SET: variants seen among roughly 807,000 people sequenced by gnomAD.
SET encodes the protein protein SET.
SET carries 4 observed loss-of-function variants against 39.0 expected under a neutral mutation model. That is an observed-to-expected ratio of 0.10 (90% CI 0.05 to 0.23). The LOEUF is 0.23. Among genes scored for constraint, SET ranks in the 10% least tolerant of loss-of-function variants. The pLI is 1.00. For missense variants in SET, 137 were observed against 329.7 expected, an observed-to-expected ratio of 0.42 and a Z score of 4.53; for synonymous variants, 114 against 115.9, an observed-to-expected ratio of 0.98 and a Z score of 0.11.
chr9:128,688,048 T>C (rs113331608), upstream of SET, among the ~76,000 whole-genome samples: 3,179 of 152,088 alleles, frequency 0.021, 120 homozygotes, highest in African/African-American at 0.073. Context: ...CCATCTCTAC[T>C]AAAAATACAA....
chr9:128,691,271 T>G (rs1377865872), intron 2 of SET, 44 bp downstream of exon 2: 1 of 1,194,516 alleles, frequency 8.4e-7, no homozygotes, highest in African/African-American at 1.5e-5. Context: ...TTCTGAGATG[T>G]GTCTAATAGC....
intron 2 of SET, 54 bp downstream of exon 2, chr9:128,691,281 C>T (rs1390771968): frequency 1.6e-5 from 18 of 1,106,036 alleles, no homozygotes; most frequent in Non-Finnish European, 2.3e-5. Flanking sequence ...TGTCTAATAG[C>T]CCGGTAATTA....
Position 128,692,009 on chromosome 9 carries a change from T to G in SET, c.274+9T>G. Reference sequence around the variant, plus strand: ...TGTCAACCATCCACAAGGTATGTTTTGGACAGGGCATTGTTAAAGGATAAA... The same window carrying G: ...TGTCAACCATCCACAAGGTATGTTTGGGACAGGGCATTGTTAAAGGATAAA... On this transcript the variant is annotated intron_variant, in intron 3 of 7. Transcript: ENST00000322030. 1.9e-6 allele frequency: 3 copies of G among 1,613,530 alleles called. No homozygotes were observed. Among genetic ancestry groups the G allele is most frequent in the Non-Finnish European group, 2.5e-6 (3 of 1,179,732 alleles).
At chr9:128,688,421 T>C (rs1269817367), upstream of SET, among the ~76,000 whole-genome samples, 1 of 152,176 alleles carries the variant, frequency 6.6e-6, no homozygotes, top group Non-Finnish European at 1.5e-5. Context: ...GAACACCGCC[T>C]ATCGCTTGGG....
chr9:128,693,816 C>T lies in SET; in HGVS notation c.663+8C>T. On this transcript the variant is annotated splice_region_variant and intron_variant, in intron 6 of 7. Transcript: ENST00000322030. The stretch of plus-strand genomic sequence containing the variant: ...CCATTACAGTACTACTTGGTGAGTT[C>T]TAATACTCATTTATTCAAGGTTGGA... 1.9e-6 allele frequency: 3 copies of T among 1,609,802 alleles called. No homozygotes were observed. The highest frequency in any genetic ancestry group is 2.5e-6 in the Non-Finnish European group (3 of 1,178,828).
chr9:128,686,433 C>T (rs904432646), upstream of SET, among the ~76,000 whole-genome samples: 3 of 152,088 alleles, frequency 2.0e-5, no homozygotes, highest in Non-Finnish European at 4.4e-5. Flanking sequence ...GCAGATAAGG[C>T]ACTTAGGAGA....
intron 2 of SET, 47 bp downstream of exon 2, chr9:128,691,274 C>T (rs557117662): frequency 9.5e-6 from 11 of 1,159,826 alleles, no homozygotes; most frequent in Non-Finnish European, 1.4e-5. Flanking sequence ...TGAGATGTGT[C>T]TAATAGCCCG....
At chr9:128,693,022 C>CT in intron 5 of SET, 41 bp downstream of exon 5, 1 of 1,361,604 alleles carries the variant, frequency 7.3e-7, no homozygotes, top group East Asian at 2.3e-5. Context: ...AGCATTTTGC[C>CT]TATTTCAGTT....
rs1861425919 is a variant in SET, at chr9:128,689,613, AAGG to A, written c.34_36del (p.Glu12del). Reference sequence around the variant, plus strand: ...GGCGCCGGCGGCCAAAGTCAGTAAAAAGGAGCTCAACTCCAACCACGACGGGGC... The same window carrying A: ...GGCGCCGGCGGCCAAAGTCAGTAAAAAGCTCAACTCCAACCACGACGGGGC... On this transcript the variant is annotated inframe_deletion, in exon 1 of 8. Transcript: ENST00000322030. The A allele has an allele frequency of 1.5e-6, 2 of 1,375,186 alleles. No individual in the cohort carries two copies. The highest frequency in any genetic ancestry group is 9.6e-7 in the Non-Finnish European group (1 of 1,044,694). The allele number at this position is 1,375,186 out of a possible 1,614,324, so 85.2% of individuals were successfully genotyped here.
At position 128,694,782 on chromosome 9, in the gene SET, T is replaced by C; in HGVS notation, c.*118T>C. 1.7e-6 allele frequency: 1 copy of C among 575,068 alleles called. No homozygotes were observed. Among genetic ancestry groups the C allele is most frequent in the Non-Finnish European group, 3.0e-6 (1 of 336,762 alleles). The allele number at this position is 575,068 out of a possible 1,614,324, so 35.6% of individuals were successfully genotyped here. On this transcript the variant is annotated 3_prime_UTR_variant, in exon 8 of 8. Coordinates refer to ENST00000322030, the MANE Select transcript of SET (RefSeq NM_003011.4). ...TTCCCTCTTGTGCTCAGTCGCCCTGTTCTTGAGGTCTCTTTTCTCTACTCC... is the reference window on the plus strand; with the variant it reads ...TTCCCTCTTGTGCTCAGTCGCCCTGCTCTTGAGGTCTCTTTTCTCTACTCC...
At chr9:128,686,190 C>A (rs1305535234), upstream of SET, among the ~76,000 whole-genome samples, 1 of 152,108 alleles carries the variant, frequency 6.6e-6, no homozygotes, top group Non-Finnish European at 1.5e-5. Context: ...TCAGTGTGCC[C>A]CCGGCTCGCC....
rs1293292466 is a variant in SET, at chr9:128,692,830, C to T, written c.379-38C>T. 2.8e-5 allele frequency: 42 copies of T among 1,506,396 alleles called. No homozygotes were observed. In the Middle Eastern group the frequency reaches 5.1e-4, roughly 18 times the overall value. The allele number at this position is 1,506,396 out of a possible 1,614,324, so 93.3% of individuals were successfully genotyped here. A position where few individuals can be genotyped will look rare whatever the true frequency, so the allele number is the denominator to read the frequency against. ...ATTAATGTGAGCTTTGGTTGGAAGA[C>T]CTGTTCATATTTCTAATCTTTCAAT... On this transcript the variant is annotated intron_variant, in intron 4 of 7. Transcript: ENST00000322030.
In SET at chr9:128,689,506, G is replaced by A; in HGVS notation, c.-77G>A. The A allele has an allele frequency of 1.4e-6, 1 of 733,152 alleles. No homozygotes were observed. Among genetic ancestry groups the A allele is most frequent in the South Asian group, 3.1e-5 (1 of 32,296 alleles). The allele number at this position is 733,152 out of a possible 1,614,324, so 45.4% of individuals were successfully genotyped here. A position where few individuals can be genotyped will look rare whatever the true frequency, so the allele number is the denominator to read the frequency against. The stretch of plus-strand genomic sequence containing the variant: ...CGGGCGCCCGCGCGTGTGGCGTGAG[G>A]GGAAGCCGCTTGCCCGCCCCCTTCG... On this transcript the variant is annotated 5_prime_UTR_variant, in exon 1 of 8. Transcript: ENST00000322030.
chr9:128,689,167 C>G (rs1861395066), upstream of SET: 1 of 699,356 alleles, frequency 1.4e-6, no homozygotes, highest in Non-Finnish European at 1.8e-6. Flanking sequence ...CGAGCCTCCC[C>G]GGCCGGAGGC....
At position 128,692,397 on chromosome 9, in the gene SET, CAAAAAAAAA is replaced by C. The variant is rs58637669; in HGVS notation, c.275-248_275-240del. The C allele has an allele frequency of 1.2e-3, 94 of 76,256 alleles. 1 individual carries two copies. The highest frequency in any genetic ancestry group is 5.0e-3 in the African/African-American group (77 of 15,522). The allele number at this position is 76,256 out of a possible 1,614,324, so 4.7% of individuals were successfully genotyped here. ...CTGGGCGACAAGAGTGAGACTGTTT[CAAAAAAAAA>C]AAAAAAAAAAAAAAAACCTCAAAGA... On this transcript the variant is annotated intron_variant, in intron 3 of 7. Coordinates refer to ENST00000322030, the MANE Select transcript of SET (RefSeq NM_003011.4).
At position 128,691,245 on chromosome 9, in the gene SET, A is replaced by G. The variant is rs1010572554; in HGVS notation, c.131+18A>G. 66 of 1,536,004 alleles carry G rather than the reference A, an allele frequency of 4.3e-5. No homozygotes were observed. Among genetic ancestry groups the G allele is most frequent in the Non-Finnish European group, 5.6e-5 (63 of 1,118,134 alleles). Reference sequence around the variant, plus strand: ...ATAGACAGGTAACATTTTTCTTAATATACTTCGGAGAAATTTTCTGAGATG... The same window carrying G: ...ATAGACAGGTAACATTTTTCTTAATGTACTTCGGAGAAATTTTCTGAGATG... On this transcript the variant is annotated intron_variant, in intron 2 of 7. Transcript: ENST00000322030.
chr9:128,683,851 C>G, exon 1 of SET: 3 of 1,485,550 alleles, frequency 2.0e-6, no homozygotes, highest in Admixed American at 2.1e-5. Context: ...TGCTTCCGGA[C>G]GGGCGAGGAG....
upstream of SET, chr9:128,685,015 G>T: frequency 6.9e-7 from 1 of 1,457,052 alleles, no homozygotes; most frequent in East Asian, 2.5e-5. Flanking sequence ...TGGGCTGGGT[G>T]TGGATAGGCC....
chr9:128,688,033 A>G (rs1554775524), upstream of SET, among the ~76,000 whole-genome samples: 1 of 152,132 alleles, frequency 6.6e-6, no homozygotes, highest in Non-Finnish European at 1.5e-5. Flanking sequence ...CAAGGTGGTG[A>G]AACTCCATCT....
Sources: allele counts gnomAD v4.1 joint callset (sites outside exome capture counted in the v4.1 genomes callset), GRCh38; gene constraint gnomAD v4.1.1; transcripts MANE v1.5; gene names NCBI Gene and HGNC (gene_info 2026-07-23, HGNC 2026-07-21).